The following SLC25A37 variants were observed in gnomAD, a reference collection of about 807,000 sequenced individuals.
The protein encoded by SLC25A37 is solute carrier family 25 member 37, also known as mitoferrin-1.
SLC25A37 carries 17 observed loss-of-function variants against 31.0 expected under a neutral mutation model. That is an observed-to-expected ratio of 0.55 (90% confidence interval 0.38 to 0.82). The LOEUF (loss-of-function observed/expected upper bound fraction) is 0.82, where lower values mean the gene tolerates loss of function less well. SLC25A37 is among the 40% of genes least tolerant of loss of function. The pLI is 0.00. For missense variants in SLC25A37, 404 were observed against 465.8 expected (o/e 0.87, Z 1.22); for synonymous variants, 222 against 193.0 (o/e 1.15, Z -1.24).
At chr8:23,555,574 C>T (rs1802342027) in intron 1 of SLC25A37, among the ~76,000 whole-genome samples, 1 of 152,086 alleles carries the variant, frequency 6.6e-6, no homozygotes, top group Admixed American at 6.6e-5. Flanking sequence ...GTCTTTTGCC[C>T]CTAGCAATAG....
chr8:23,540,606 A>C (rs1801869505), intron 1 of SLC25A37, among the ~76,000 whole-genome samples: 1 of 152,220 alleles, frequency 6.6e-6, no homozygotes, highest in East Asian at 1.9e-4. Flanking sequence ...AACAAATTGC[A>C]GTTGCTGTGA....
At chr8:23,554,258 G>C (rs1311914322) in intron 1 of SLC25A37, among the ~76,000 whole-genome samples, 1 of 152,192 alleles carries the variant, frequency 6.6e-6, no homozygotes, top group African/African-American at 2.4e-5. Context: ...TGAAGGTTCA[G>C]GGAAGCAAGT....
chr8:23,571,276 A>C, intron 3 of SLC25A37, 59 bp from the exon 4 acceptor site: 1 of 1,467,354 alleles, frequency 6.8e-7, no homozygotes, highest in Non-Finnish European at 9.0e-7. Context: ...GGGTGGGGCC[A>C]CATCCAACCC....
intron 3 of SLC25A37, 32 bp downstream of exon 3, chr8:23,568,410 AG>A (rs1407045511): frequency 6.2e-7 from 1 of 1,613,582 alleles, no homozygotes; most frequent in African/African-American, 1.3e-5. Context: ...GAGGGGCAGT[AG>A]GGGATGTGCA....
At chr8:23,555,942 G>C (rs1207993637) in intron 1 of SLC25A37, among the ~76,000 whole-genome samples, 1 of 152,204 alleles carries the variant, frequency 6.6e-6, no homozygotes, top group Non-Finnish European at 1.5e-5. Context: ...TTTCCACCAG[G>C]TCTCAACTCT....
chr8:23,573,652 T>C lies in SLC25A37; in HGVS notation c.*1797T>C, dbSNP rs1054491322. On this transcript the variant is annotated 3_prime_UTR_variant, in exon 4 of 4. Coordinates refer to ENST00000519973, the MANE Select transcript of SLC25A37 (RefSeq NM_016612.4). Reference sequence around the variant, plus strand: ...CCTTGGGGAGTAGATTTTGCCCTAATAGCGATGAAGAATTTTATCAGTCAG... The same window carrying C: ...CCTTGGGGAGTAGATTTTGCCCTAACAGCGATGAAGAATTTTATCAGTCAG... 6 of 386,692 alleles carry C rather than the reference T, an allele frequency of 1.6e-5. No individual in the cohort carries two copies. Among genetic ancestry groups the C allele is most frequent in the African/African-American group, 1.0e-4 (5 of 48,168 alleles). 24.0% of individuals were successfully genotyped at this position (386,692 alleles called of 1,614,324 possible).
chr8:23,555,454 G>C (rs1040944969), intron 1 of SLC25A37, among the ~76,000 whole-genome samples: 4 of 152,132 alleles, frequency 2.6e-5, no homozygotes, highest in Non-Finnish European at 4.4e-5. Flanking sequence ...CCAAGGAGAA[G>C]GGGGGTTTGG....
intron 1 of SLC25A37, among the ~76,000 whole-genome samples, chr8:23,550,378 A>C (rs1180892425): frequency 6.6e-6 from 1 of 152,188 alleles, no homozygotes; most frequent in Non-Finnish European, 1.5e-5. Context: ...TGGGAGTCAC[A>C]TGCAGACGCA....
rs1480264809 is a variant in SLC25A37, at chr8:23,550,769, G to A, written c.211-15339G>A. 3.3e-5 allele frequency among the ~76,000 whole-genome samples: 5 copies of A among 152,352 alleles called. No homozygotes were observed. The South Asian group carries it at 8.3e-4, about 25-fold the overall frequency. On this transcript the variant is annotated intron_variant, in intron 1 of 3. Coordinates refer to ENST00000519973, the MANE Select transcript of SLC25A37 (RefSeq NM_016612.4). Reference sequence around the variant, plus strand: ...TTGGGGAGCACTGCTGTTTGGTCTAGTGAGACACACTTGGTGTAAATATCT... The same window carrying A: ...TTGGGGAGCACTGCTGTTTGGTCTAATGAGACACACTTGGTGTAAATATCT...
At chr8:23,555,727 G>T (rs1399457468) in intron 1 of SLC25A37, among the ~76,000 whole-genome samples, 2 of 152,192 alleles carry the variant, frequency 1.3e-5, no homozygotes, top group African/African-American at 4.8e-5. Context: ...GGTCTTTTCA[G>T]AAGGACAAAC....
intron 1 of SLC25A37, among the ~76,000 whole-genome samples, chr8:23,559,340 TGTGTGTGTGTGTGC>T: frequency 6.7e-6 from 1 of 148,880 alleles, no homozygotes; most frequent in Non-Finnish European, 1.5e-5. Flanking sequence ...TCTCCGGTTG[TGTGTGTGTGTGTGC>T]GTGTGTGTGC....
At chr8:23,540,930 T>G (rs1443066210) in intron 1 of SLC25A37, among the ~76,000 whole-genome samples, 1 of 152,182 alleles carries the variant, frequency 6.6e-6, no homozygotes, top group Non-Finnish European at 1.5e-5. Context: ...ATGGTATTTA[T>G]TATCACACTG....
intron 1 of SLC25A37, among the ~76,000 whole-genome samples, chr8:23,544,152 G>A (rs917939619): frequency 1.3e-5 from 2 of 152,106 alleles, no homozygotes; most frequent in African/African-American, 2.4e-5. Flanking sequence ...GAGTCACCGC[G>A]CCCAGCCTTC....
rs373107655 is a variant in SLC25A37, at chr8:23,530,879, C to G, written c.210+1667C>G. 4.8e-4 allele frequency among the ~76,000 whole-genome samples: 73 copies of G among 152,310 alleles called. 1 individual carries two copies. The South Asian group carries it at 0.015, about 31-fold the overall frequency. On this transcript the variant is annotated intron_variant, in intron 1 of 3. Transcript: ENST00000519973. ...GTTGTGCCTTCTGAGCACCCTTTGA[C>G]ACTCTCAAGAGGCGTTTCTCACACG...
intron 3 of SLC25A37, among the ~76,000 whole-genome samples, chr8:23,570,294 C>G: frequency 6.6e-6 from 1 of 151,278 alleles, no homozygotes; most frequent in South Asian, 2.1e-4. Context: ...TTATCTTTCT[C>G]AAGAGATGTG....
In SLC25A37 at chr8:23,529,786, C is replaced by A. The variant is rs1801627909; in HGVS notation, c.210+574C>A. Among the ~76,000 whole-genome samples the A allele has an allele frequency of 6.6e-6, 1 of 152,140 alleles. No homozygotes were observed. The highest frequency in any genetic ancestry group is 2.1e-4 in the South Asian group (1 of 4,834). On this transcript the variant is annotated intron_variant, in intron 1 of 3. Transcript: ENST00000519973. The surrounding 1 kb of genome is among the most constrained non-coding windows in gnomAD (Gnocchi z 4.1). ...GACTAGTGGCAGCTCTTTACCGGTTCGACAGCGGCCCGTGGGATCCCCTTT... is the reference window on the plus strand; with the variant it reads ...GACTAGTGGCAGCTCTTTACCGGTTAGACAGCGGCCCGTGGGATCCCCTTT...
intron 1 of SLC25A37, among the ~76,000 whole-genome samples, chr8:23,537,676 A>G (rs552941189): frequency 1.3e-4 from 20 of 152,306 alleles, no homozygotes; most frequent in African/African-American, 4.8e-4. Context: ...CAGGGAACAC[A>G]GTTTTCAAAG....
intron 3 of SLC25A37, among the ~76,000 whole-genome samples, chr8:23,570,288 C>T (rs1246585130): frequency 6.6e-6 from 1 of 151,846 alleles, no homozygotes; most frequent in Non-Finnish European, 1.5e-5. Flanking sequence ...TACACATTAT[C>T]TTTCTCAAGA....
chr8:23,556,093 C>T (rs1311408069), intron 1 of SLC25A37, among the ~76,000 whole-genome samples: 7 of 46,556 alleles, frequency 1.5e-4, no homozygotes, highest in African/African-American at 5.7e-4. Context: ...TCTTCTAACT[C>T]TGCTTGAGTC....
Sources: gnomAD v4.1 joint callset for allele counts (sites outside exome capture counted in the v4.1 genomes callset) on GRCh38, gnomAD v4.1.1 for gene constraint, Gnocchi (gnomAD v3.1) non-coding constraint, MANE v1.5 for transcripts, NCBI Gene and HGNC (gene_info 2026-07-23, HGNC 2026-07-21) for gene names.